Variants in TRO observed in about 807,000 individuals in gnomAD.
TRO encodes MAGE superfamily protein.
Under a neutral mutation model 42.3 loss-of-function variants are expected in TRO, and 29 were observed. That is an observed-to-expected ratio of 0.68 (90% confidence interval 0.51 to 0.93). The LOEUF is 0.93. Among genes scored for constraint, TRO ranks in the 40% least tolerant of loss-of-function variants. The pLI is 0.00. For missense variants in TRO, 963 were observed against 1,127.7 expected (o/e 0.85, Z 2.09); for synonymous variants, 384 against 425.2 (o/e 0.90, Z 1.19).
In TRO at chrX:54,930,231, T is replaced by G; in HGVS notation, c.3507T>G (p.Phe1169Leu). Residue 1169 changes from phenylalanine to leucine, a missense_variant, in exon 12 of 13, where the codon TTT (phenylalanine) becomes TTG (leucine). Coordinates refer to ENST00000173898, the MANE Select transcript of TRO (RefSeq NM_001039705.3). ...GTGCATCTAATACTAACCTATGCTTTGGTGGCCCTCCTAGCACCAGTGCCT... is the reference window on the plus strand; with the variant it reads ...GTGCATCTAATACTAACCTATGCTTGGGTGGCCCTCCTAGCACCAGTGCCT... Reference protein sequence around the residue: ...FGSASNTNLCFGGPPSTSACF... With the variant: ...FGSASNTNLCLGGPPSTSACF... 1 of 1,212,313 alleles carries G rather than the reference T, an allele frequency of 8.2e-7. No homozygotes were observed. The highest frequency in any genetic ancestry group is 1.1e-6 in the Non-Finnish European group (1 of 895,621).
Position 54,923,267 on chromosome X carries a change from C to T in TRO, c.735C>T (p.Ile245=). ...QGQITNETAS[I]HTTAASIRTK... The stretch of plus-strand genomic sequence containing the variant: ...AAATTACCAATGAGACAGCCAGTAT[C>T]CACACCACAGCAGCCTCCATCCGAA... The change falls in exon 3 of 13, where the codon ATC becomes ATT. Residue 245 remains isoleucine, a synonymous_variant. Transcript: ENST00000173898. 8.3e-7 allele frequency: 1 copy of T among 1,211,755 alleles called. No homozygotes were observed. The highest frequency in any genetic ancestry group is 1.1e-6 in the Non-Finnish European group (1 of 895,529).
At position 54,922,670 on chromosome X, in the gene TRO, T is replaced by C; in HGVS notation, c.138T>C (p.His46=). Reference sequence around the variant, plus strand: ...AAGAGGACAGTGTCCTGCTGATGCATACCCTGTTGGCGGCAACCAAGGACT... The same window carrying C: ...AAGAGGACAGTGTCCTGCTGATGCACACCCTGTTGGCGGCAACCAAGGACT... ...TTEEDSVLLM[H]TLLAATKDSL... is the part of the protein sequence containing the mutation. Residue 46 remains histidine (H), a synonymous_variant, in exon 3 of 13, where the codon CAT becomes CAC. Coordinates refer to ENST00000173898, the MANE Select transcript of TRO (RefSeq NM_001039705.3). The C allele has an allele frequency of 8.3e-7, 1 of 1,211,206 alleles. No homozygotes were observed. Among genetic ancestry groups the C allele is most frequent in the Non-Finnish European group, 1.1e-6 (1 of 895,349 alleles).
chrX:54,922,068 A>G lies in TRO; in HGVS notation c.-44-135A>G. The G allele has an allele frequency of 1.6e-5, 7 of 444,148 alleles. No individual in the cohort carries two copies. In the South Asian group the frequency reaches 3.7e-4, roughly 23 times the overall value. 36.6% of individuals were successfully genotyped at this position (444,148 alleles called of 1,213,427 possible). A position where few individuals can be genotyped will look rare whatever the true frequency, so the allele number is the denominator to read the frequency against. ...CAAAAGGAGCTGGGCCTTGGAAACC[A>G]GATGGCCTGGGTTTTTTAGGTATGA... On this transcript the variant is annotated intron_variant, in intron 1 of 12. Coordinates refer to ENST00000173898, the MANE Select transcript of TRO (RefSeq NM_001039705.3).
rs1240663328 is a variant in TRO, at chrX:54,929,428, T to G, written c.2704T>G (p.Ser902Ala). The change falls in exon 12 of 13, where the codon TCT (serine) becomes GCT (alanine). Residue 902 changes from serine to alanine, a missense_variant. Physicochemically the swap from Ser to Ala is moderately conservative, Grantham distance 99. Coordinates refer to ENST00000173898, the MANE Select transcript of TRO (RefSeq NM_001039705.3). ...CAGCACCAGTGTCTGTTTTGGTGGC[T>G]CTCCCAGCTCCAGTGGTAGCTTTGG... ...ILSTSVCFGG[S>A]PSSSGSFGGT... The G allele has an allele frequency of 2.1e-5, 26 of 1,210,776 alleles. No homozygotes were observed. The highest frequency in any genetic ancestry group is 2.8e-5 in the Non-Finnish European group (25 of 895,135).
At chrX:54,921,986 C>G (rs1220349286) in intron 1 of TRO, 2 of 305,941 alleles carry the variant, frequency 6.5e-6, no homozygotes, top group Non-Finnish European at 5.5e-6. Context: ...TGCGCACTAT[C>G]GAGTTGCGGA....
chrX:54,927,050 C>T lies in TRO; in HGVS notation c.1708C>T (p.His570Tyr), dbSNP rs1183643139. 3.3e-6 allele frequency: 4 copies of T among 1,211,683 alleles called. No individual in the cohort carries two copies. In the East Asian group the frequency reaches 8.9e-5, roughly 27 times the overall value. Reference sequence around the variant, plus strand: ...TATTTTTCCCATTGTCAGGGTGAGGCATTCACTCTTTGGGGAAGTGAGGAA... The same window carrying T: ...TATTTTTCCCATTGTCAGGGTGAGGTATTCACTCTTTGGGGAAGTGAGGAA... ...RKLGLRPGVRHSLFGEVRKLI... is the reference protein window; with the variant it reads ...RKLGLRPGVRYSLFGEVRKLI... Residue 570 changes from histidine to tyrosine, a missense_variant, in exon 10 of 13, where the codon CAT becomes TAT. Physicochemically the swap from His to Tyr is moderately conservative, Grantham distance 83. This residue lies in a region of TRO where 641 missense variants were observed against 811.3 expected (regional missense o/e 0.79). Coordinates refer to ENST00000173898, the MANE Select transcript of TRO (RefSeq NM_001039705.3).
In TRO at chrX:54,925,050, A is replaced by G. The variant is rs762151706; in HGVS notation, c.1467A>G (p.Ala489=). The G allele has an allele frequency of 2.5e-6, 3 of 1,210,023 alleles. No individual in the cohort carries two copies. Among genetic ancestry groups the G allele is most frequent in the East Asian group, 3.0e-5 (1 of 33,773 alleles). The change falls in exon 6 of 13, where the codon GCA becomes GCG. Residue 489 remains alanine, a synonymous_variant. Transcript: ENST00000173898. ...DEYFPEIIER[A]SYTLEKMFRV... ...ATTTCCCAGAAATCATTGAACGAGC[A>G]AGCTACACTCTGGAGAAGGTGAAGG...
chrX:54,921,982 C>T lies in TRO; in HGVS notation c.-44-221C>T, dbSNP rs1569545966. 2.6e-5 allele frequency: 8 copies of T among 312,507 alleles called. No homozygotes were observed. The Admixed American group carries it at 4.1e-4, about 16-fold the overall frequency. The allele number at this position is 312,507 out of a possible 1,213,427, so 25.8% of individuals were successfully genotyped here. A position where few individuals can be genotyped will look rare whatever the true frequency, so the allele number is the denominator to read the frequency against. Reference sequence around the variant, plus strand: ...CGCCTCTAGTCGGTGCGCATGCGCACTATCGAGTTGCGGAGGGGGCGTGTA... The same window carrying T: ...CGCCTCTAGTCGGTGCGCATGCGCATTATCGAGTTGCGGAGGGGGCGTGTA... On this transcript the variant is annotated intron_variant, in intron 1 of 12. Coordinates refer to ENST00000173898, the MANE Select transcript of TRO (RefSeq NM_001039705.3).
At position 54,929,945 on chromosome X, in the gene TRO, G is replaced by A. The variant is rs1219586716; in HGVS notation, c.3221G>A (p.Ser1074Asn). 2 of 1,209,757 alleles carry A rather than the reference G, an allele frequency of 1.7e-6. No homozygotes were observed. The highest frequency in any genetic ancestry group is 2.2e-6 in the Non-Finnish European group (2 of 894,693). Residue 1074 changes from serine (S) to asparagine (N), a missense_variant, in exon 12 of 13, where the codon AGC becomes AAC. Ser to Asn is a conservative substitution (Grantham distance 46). Coordinates refer to ENST00000173898, the MANE Select transcript of TRO (RefSeq NM_001039705.3). ...NTNASFGCAV[S>N]TSASFSGAVS... ...AATGCCAGCTTTGGCTGTGCCGTCA[G>A]CACCAGTGCCAGCTTCAGTGGTGCT...
chrX:54,924,244 C>T (rs937631867), intron 3 of TRO: 1 of 404,412 alleles, frequency 2.5e-6, no homozygotes. Context: ...CCTGGCCTGG[C>T]AGAGGAACGA....
chrX:54,925,357 T>A (rs956950845), intron 6 of TRO, among the ~76,000 whole-genome samples: 2 of 112,009 alleles, frequency 1.8e-5, no homozygotes, highest in Non-Finnish European at 3.8e-5. Context: ...TGTATCCCCA[T>A]TTTCTGTCTC....
At chrX:54,923,901 GAGA>G (rs1932444388) in intron 3 of TRO, 133 bp downstream of exon 3, 1 of 702,884 alleles carries the variant, frequency 1.4e-6, no homozygotes, top group Non-Finnish European at 2.1e-6. Context: ...GGAAGATGCT[GAGA>G]AGAAGGTGAT....
rs769511973 is a variant in TRO at position 54,924,674 on chromosome X, A to G, written c.1346A>G (p.Asn449Ser). ...CATCTATTCCTCTCCTCCCAGGCTAATAAGTTGGTGAAATACCTGTTGGTT... is the reference window on the plus strand; with the variant it reads ...CATCTATTCCTCTCCTCCCAGGCTAGTAAGTTGGTGAAATACCTGTTGGTT... The part of the protein sequence containing the change: ...RDVAILQERA[N>S]KLVKYLLVKD... The change falls in exon 5 of 13, where the codon AAT becomes AGT. Residue 449 changes from asparagine to serine, a missense_variant. By Grantham distance (46) the Asn-to-Ser change is conservative. This residue lies in a region of TRO where 641 missense variants were observed against 811.3 expected (regional missense o/e 0.79). Transcript: ENST00000173898. 1.2e-5 allele frequency: 15 copies of G among 1,210,030 alleles called. No homozygotes were observed. In the East Asian group the frequency reaches 3.9e-4, roughly 31 times the overall value.
At chrX:54,927,814 A>G (rs375502623) in intron 11 of TRO, 33 bp downstream of exon 11, 11 of 1,143,869 alleles carry the variant, frequency 9.6e-6, no homozygotes, top group Non-Finnish European at 1.3e-5. Flanking sequence ...TTGGCATATT[A>G]AGGCAATGGG....
At chrX:54,925,285 A>T (rs964184550) in intron 6 of TRO, among the ~76,000 whole-genome samples, 4 of 111,726 alleles carry the variant, frequency 3.6e-5, no homozygotes, top group African/African-American at 9.8e-5. Flanking sequence ...CACTCAAATT[A>T]GTCTCAGCTT....
At position 54,922,617 on chromosome X, in the gene TRO, C is replaced by G; in HGVS notation, c.85C>G (p.Pro29Ala). 3.3e-6 allele frequency: 4 copies of G among 1,210,738 alleles called. No individual in the cohort carries two copies. The highest frequency in any genetic ancestry group is 3.4e-6 in the Non-Finnish European group (3 of 895,100). ...PPPGSLGLPF[P>A]PDIQTETTEE... ...CCCGGGGAGCCTGGGGCTTCCCTTC[C>G]CTCCAGATATACAGACTGAGACCAC... Residue 29 changes from proline to alanine, a missense_variant, in exon 3 of 13, where the codon CCT becomes GCT. Physicochemically the swap from Pro to Ala is conservative, Grantham distance 27. Transcript: ENST00000173898.
At position 54,930,813 on chromosome X, in the gene TRO, T is replaced by G. The variant is rs1194309652; in HGVS notation, c.4089T>G (p.Ser1363=). The G allele has an allele frequency of 8.3e-7, 1 of 1,210,269 alleles. No homozygotes were observed. Among genetic ancestry groups the G allele is most frequent in the Non-Finnish European group, 1.1e-6 (1 of 894,985 alleles). The part of the protein sequence containing the change: ...TSTGFSSGPS[S]IVGFSGGPST... ...CGGGCTTCAGTAGTGGACCCAGTTCTATTGTTGGCTTCAGCGGTGGACCAA... is the reference window on the plus strand; with the variant it reads ...CGGGCTTCAGTAGTGGACCCAGTTCGATTGTTGGCTTCAGCGGTGGACCAA... The change falls in exon 12 of 13, where the codon TCT becomes TCG. Residue 1363 remains serine (S), a synonymous_variant. Transcript: ENST00000173898.
chrX:54,925,638 A>C lies in TRO; in HGVS notation c.1532A>C (p.Tyr511Ser), dbSNP rs2146548309. ...GAAATTGATAAGCAAAGTAGCTTGTATATTCTCATCAGCACTCAGGAATCC... is the reference window on the plus strand; with the variant it reads ...GAAATTGATAAGCAAAGTAGCTTGTCTATTCTCATCAGCACTCAGGAATCC... ...LKEIDKQSSLYILISTQESSA... is the reference protein window; with the variant it reads ...LKEIDKQSSLSILISTQESSA... The change falls in exon 7 of 13, where the codon TAT becomes TCT. Residue 511 changes from tyrosine (Y) to serine (S), a missense_variant. Tyr to Ser is a moderately radical substitution (Grantham distance 144). Around this residue, in one of 2 missense-constraint regions of TRO, gnomAD observed 641 missense variants for 811.3 expected, o/e 0.79. Transcript: ENST00000173898. The C allele has an allele frequency of 8.3e-7, 1 of 1,209,888 alleles. No homozygotes were observed. Among genetic ancestry groups the C allele is most frequent in the African/African-American group, 1.7e-5 (1 of 57,371 alleles).
In TRO at chrX:54,930,538, G is replaced by A. The variant is rs764682632; in HGVS notation, c.3814G>A (p.Gly1272Arg). Residue 1272 changes from glycine to arginine, a missense_variant, in exon 12 of 13, where the codon GGA becomes AGA. Physicochemically the swap from Gly to Arg is moderately radical, Grantham distance 125. Around this residue, in one of 2 missense-constraint regions of TRO, gnomAD observed 641 missense variants for 811.3 expected, o/e 0.79. Transcript: ENST00000173898. Reference protein sequence around the residue: ...GLGTSAGFSGGLGTSAGFGGG... With the variant: ...GLGTSAGFSGRLGTSAGFGGG... ...GGGCACCAGTGCTGGCTTCAGTGGCGGACTGGGCACCAGTGCTGGCTTTGG... is the reference window on the plus strand; with the variant it reads ...GGGCACCAGTGCTGGCTTCAGTGGCAGACTGGGCACCAGTGCTGGCTTTGG... The A allele has an allele frequency of 6.0e-5, 72 of 1,210,076 alleles. No homozygotes were observed. In the African/African-American group the frequency reaches 7.2e-4, roughly 12 times the overall value.
Sources: gnomAD v4.1 joint callset for allele counts (sites outside exome capture counted in the v4.1 genomes callset) on GRCh38, gnomAD v4.1.1 for gene constraint, gnomAD v4.1.1 regional missense constraint, MANE v1.5 for transcripts, NCBI Gene and HGNC (gene_info 2026-07-23, HGNC 2026-07-21) for gene names.